Variants in MYOF observed in about 807,000 individuals in gnomAD.
MYOF encodes fer-1-like 3, myoferlin.
MYOF carries 244 observed loss-of-function variants against 284.2 expected under a neutral mutation model. The observed-to-expected ratio is 0.86, with a 90% CI of 0.77 to 0.95. The LOEUF is 0.95. MYOF is among the 40% of genes least tolerant of loss of function. The probability of loss-of-function intolerance (pLI) is 0.00; values close to 1 mark genes in which losing one functional copy is unlikely to be tolerated. For synonymous variants in MYOF, 904 were observed against 919.7 expected (o/e 0.98, Z 0.31); for missense variants, 2,496 against 2,560.6 (o/e 0.97, Z 0.54).
intron 12 of MYOF, 41 bp downstream of exon 12, chr10:93,401,377 C>T (rs750793004): frequency 1.2e-6 from 2 of 1,607,422 alleles, no homozygotes; most frequent in East Asian, 2.2e-5. Context: ...TCATCACACA[C>T]ATAATCAACA....
At position 93,335,960 on chromosome 10, in the gene MYOF, C is replaced by T. The variant is rs200923790; in HGVS notation, c.4524G>A (p.Ser1508=). The T allele has an allele frequency of 3.7e-5, 59 of 1,614,076 alleles. No homozygotes were observed. Among genetic ancestry groups the T allele is most frequent in the Non-Finnish European group, 4.9e-5 (58 of 1,180,054 alleles). The change falls in exon 41 of 54, where the codon TCG becomes TCA. Residue 1508 remains serine (S), a synonymous_variant. Coordinates refer to ENST00000359263, the MANE Select transcript of MYOF (RefSeq NM_013451.4). ...SDTFKLYRGK[S]DENEDPSVVG... ...CCACAGAAGGATCTTCATTTTCATCCGACTTGCCTCGGTACAACTTGAACG... is the reference window on the plus strand; with the variant it reads ...CCACAGAAGGATCTTCATTTTCATCTGACTTGCCTCGGTACAACTTGAACG...
At chr10:93,439,307 C>T (rs2056173756) in intron 3 of MYOF, among the ~76,000 whole-genome samples, 1 of 152,214 alleles carries the variant, frequency 6.6e-6, no homozygotes, top group Non-Finnish European at 1.5e-5. Context: ...ACTCCTCTGG[C>T]ATGGAGGAGA....
chr10:93,447,077 T>G (rs553049923), intron 3 of MYOF, among the ~76,000 whole-genome samples: 29 of 152,332 alleles, frequency 1.9e-4, no homozygotes, highest in African/African-American at 6.7e-4. Context: ...CTCAGCACGA[T>G]GCATGGTGCC....
chr10:93,332,720 G>T (rs901831846), intron 43 of MYOF, among the ~76,000 whole-genome samples: 24 of 152,110 alleles, frequency 1.6e-4, no homozygotes, highest in Admixed American at 1.3e-3. Context: ...GGTGGCAGTT[G>T]CCTGTAGTCC....
Position 93,349,838 on chromosome 10 carries a change from G to T in MYOF, c.4053C>A (p.Asn1351Lys), listed in dbSNP as rs1405505297. The change falls in exon 36 of 54, where the codon AAC (asparagine) becomes AAA (lysine). Residue 1351 changes from asparagine to lysine, a missense_variant. Around this residue, in one of 3 missense-constraint regions of MYOF, gnomAD observed 2,436 missense variants for 2,480.7 expected, o/e 0.98. Coordinates refer to ENST00000359263, the MANE Select transcript of MYOF (RefSeq NM_013451.4). ...VVIKNLKKTP[N>K]FPSSVLFMKV... ...TCATGAAGAGAACAGAACTTGGAAA[G>T]TTGGGTGTCTTCTTAAGGTTTTTGA... The T allele has an allele frequency of 6.2e-7, 1 of 1,613,978 alleles. No individual in the cohort carries two copies. The highest frequency in any genetic ancestry group is 1.7e-5 in the Admixed American group (1 of 60,004).
At position 93,307,014 on chromosome 10, in the gene MYOF, C is replaced by CA; in HGVS notation, c.6148-14dup. On this transcript the variant is annotated splice_polypyrimidine_tract_variant and intron_variant, in intron 53 of 53. Transcript: ENST00000359263. ...TTGACAAATAGTTCTGGAAAGGAAA[C>CA]AAAAACAGTGGTAAAAAAACATGTA... 6 of 1,608,534 alleles carry CA rather than the reference C, an allele frequency of 3.7e-6. No individual in the cohort carries two copies. The highest frequency in any genetic ancestry group is 4.2e-6 in the Non-Finnish European group (5 of 1,176,494).
intron 20 of MYOF, among the ~76,000 whole-genome samples, 167 bp from the exon 21 acceptor site, chr10:93,380,154 A>C (rs1846047086): frequency 6.6e-6 from 1 of 152,168 alleles, no homozygotes; most frequent in African/African-American, 2.4e-5. Flanking sequence ...AAGACTAGGA[A>C]GCTCTTTTTC....
rs1175133108 is a variant in MYOF, at chr10:93,325,819, C to G, written c.5271+7G>C. On this transcript the variant is annotated splice_region_variant and intron_variant, in intron 46 of 53. Coordinates refer to ENST00000359263, the MANE Select transcript of MYOF (RefSeq NM_013451.4). ...TAATGGTCTTCAAGGGAGGGAAGGC[C>G]CTTTACCTGGGAAATGTTGGGCTGG... is the stretch of plus-strand genomic sequence containing the variant. The G allele has an allele frequency of 6.2e-7, 1 of 1,610,684 alleles. No individual in the cohort carries two copies. Among genetic ancestry groups the G allele is most frequent in the Admixed American group, 1.7e-5 (1 of 59,146 alleles).
At chr10:93,460,654 C>A (rs1187929793) in intron 1 of MYOF, among the ~76,000 whole-genome samples, 2 of 151,628 alleles carry the variant, frequency 1.3e-5, no homozygotes, top group Non-Finnish European at 2.9e-5. Context: ...GCAGTCCCAG[C>A]CACTCGAGAG....
intron 49 of MYOF, among the ~76,000 whole-genome samples, chr10:93,318,754 G>A (rs144163560): frequency 6.6e-6 from 1 of 152,126 alleles, no homozygotes; most frequent in East Asian, 1.9e-4. Context: ...GTGAAACTCT[G>A]TCTCAAAAAA....
chr10:93,380,663 G>A (rs777549863), intron 20 of MYOF, among the ~76,000 whole-genome samples: 1 of 152,122 alleles, frequency 6.6e-6, no homozygotes, highest in Non-Finnish European at 1.5e-5. Context: ...TAGAATGTAA[G>A]CTCCTTAAAA....
chr10:93,398,258 C>A (rs1589503583), intron 13 of MYOF, among the ~76,000 whole-genome samples: 1 of 152,138 alleles, frequency 6.6e-6, no homozygotes, highest in African/African-American at 2.4e-5. Context: ...GGATGCCTCC[C>A]TCCCCAATCT....
rs577667808 is a variant in MYOF at position 93,397,755 on chromosome 10, A to T, written c.1222-299T>A. Reference sequence around the variant, plus strand: ...AAGGTTGATAGAGCATTTGTTACATACCGTTTGGGAAGCATCTACCATTAA... The same window carrying T: ...AAGGTTGATAGAGCATTTGTTACATTCCGTTTGGGAAGCATCTACCATTAA... On this transcript the variant is annotated intron_variant, in intron 13 of 53. Coordinates refer to ENST00000359263, the MANE Select transcript of MYOF (RefSeq NM_013451.4). Among the ~76,000 whole-genome samples, 13 of 151,976 alleles carry T rather than the reference A, an allele frequency of 8.6e-5. No homozygotes were observed. In the South Asian group the frequency reaches 2.7e-3, roughly 32 times the overall value.
At chr10:93,309,421 T>G (rs547108737) in intron 53 of MYOF, among the ~76,000 whole-genome samples, 1 of 152,312 alleles carries the variant, frequency 6.6e-6, no homozygotes, top group South Asian at 2.1e-4. Context: ...CTCCCGTTTA[T>G]GACTGGGGTG....
At chr10:93,308,886 AT>A (rs1186178578) in intron 53 of MYOF, among the ~76,000 whole-genome samples, 3 of 151,958 alleles carry the variant, frequency 2.0e-5, no homozygotes, top group Non-Finnish European at 4.4e-5. Context: ...TAATTTTTGT[AT>A]TTTTAGTAGA....
chr10:93,416,344 C>T (rs1463365128), intron 5 of MYOF, among the ~76,000 whole-genome samples: 1 of 151,902 alleles, frequency 6.6e-6, no homozygotes, highest in Admixed American at 6.6e-5. Flanking sequence ...GGGCAAAACC[C>T]CTTCTCTAAA....
intron 5 of MYOF, among the ~76,000 whole-genome samples, chr10:93,410,617 C>T (rs1847862438): frequency 1.3e-5 from 2 of 152,192 alleles, no homozygotes; most frequent in African/African-American, 4.8e-5. Flanking sequence ...TACCTCTCCT[C>T]TTTCTTTTAT....
rs768538560 is a variant in MYOF at position 93,349,908 on chromosome 10, C to G, written c.3983G>C (p.Ser1328Thr). 3 of 1,614,028 alleles carry G rather than the reference C, an allele frequency of 1.9e-6. No individual in the cohort carries two copies. Among genetic ancestry groups the G allele is most frequent in the African/African-American group, 2.7e-5 (2 of 74,918 alleles). ...NFQMASITSP[S>T]LVVECGGERV... is the part of the protein sequence containing the mutation. ...TTCTCCTCCACACTCCACAACAAGA[C>G]TGGGGGATGTGATAGAAGCCATCTG... The change falls in exon 36 of 54, where the codon AGT (serine) becomes ACT (threonine). Residue 1328 changes from serine to threonine, a missense_variant. Ser to Thr is a moderately conservative substitution (Grantham distance 58, BLOSUM62 1). Coordinates refer to ENST00000359263, the MANE Select transcript of MYOF (RefSeq NM_013451.4).
chr10:93,440,703 T>C (rs1302137881), intron 3 of MYOF, among the ~76,000 whole-genome samples: 1 of 152,200 alleles, frequency 6.6e-6, no homozygotes, highest in Non-Finnish European at 1.5e-5. Context: ...GATAGTCCAA[T>C]GACCTTGCAA....
Sources: allele counts gnomAD v4.1 joint callset (sites outside exome capture counted in the v4.1 genomes callset), GRCh38; gene constraint gnomAD v4.1.1; regional missense constraint gnomAD v4.1.1; transcripts MANE v1.5; gene names NCBI Gene and HGNC (gene_info 2026-07-23, HGNC 2026-07-21).